Variants in ADGRL3 observed in about 807,000 individuals in gnomAD.
ADGRL3 encodes calcium-independent alpha-latrotoxin receptor 3.
A neutral mutation model predicts 153.5 loss-of-function variants in ADGRL3; 62 were observed. That is an observed-to-expected ratio of 0.40 (90% CI 0.33 to 0.50). The LOEUF is 0.50. ADGRL3 is among the 20% of genes least tolerant of loss of function. ADGRL3 has a pLI of 0.47. For synonymous variants in ADGRL3, 710 were observed against 672.5 expected, an observed-to-expected ratio of 1.06 and a Z score of -0.86; for missense variants, 1,641 against 1,859.4, an observed-to-expected ratio of 0.88 and a Z score of 2.16.
At chr4:61,593,643 A>T (rs965362950) in intron 5 of ADGRL3, among the ~76,000 whole-genome samples, 1 of 152,062 alleles carries the variant, frequency 6.6e-6, no homozygotes, top group African/African-American at 2.4e-5. Context: ...TCCCACTGAA[A>T]ACTGTTGTCA....
rs2098537797 is a variant in ADGRL3, at chr4:61,522,588, T to TCC, written c.259+5070_259+5071insCC. On this transcript the variant is annotated intron_variant, in intron 4 of 26. Coordinates refer to ENST00000683033, the MANE Select transcript of ADGRL3 (RefSeq NM_001387552.1). Reference sequence around the variant, plus strand: ...AGGGTGGCAAAACCTCATTTGTTGGTTTGCTTGTAACACCATGATTTGAGA... The same window carrying TCC: ...AGGGTGGCAAAACCTCATTTGTTGGTCCTTGCTTGTAACACCATGATTTGAGA... 3.9e-5 allele frequency among the ~76,000 whole-genome samples: 6 copies of TCC among 152,192 alleles called. No individual in the cohort carries two copies. In the East Asian group the frequency reaches 1.2e-3, roughly 29 times the overall value.
intron 2 of ADGRL3, among the ~76,000 whole-genome samples, chr4:61,445,827 A>G (rs1268511373): frequency 6.6e-6 from 1 of 152,208 alleles, no homozygotes; most frequent in African/African-American, 2.4e-5. Flanking sequence ...TAAGATTATA[A>G]TGGAGCTGAA....
intron 4 of ADGRL3, among the ~76,000 whole-genome samples, chr4:61,537,068 T>C (rs1307397801): frequency 6.6e-6 from 1 of 152,124 alleles, no homozygotes; most frequent in Non-Finnish European, 1.5e-5. Flanking sequence ...TTTTGTAGAA[T>C]GTGTCTAGTC....
At chr4:61,297,818 T>TACCGTCGCCACCACCACCACC (rs2094459160) in intron 1 of ADGRL3, among the ~76,000 whole-genome samples, 1 of 151,734 alleles carries the variant, frequency 6.6e-6, no homozygotes, top group African/African-American at 2.4e-5. Flanking sequence ...CCACCGTCAC[T>TACCGTCGCCACCACCACCACC]ACCGTCGCCA....
chr4:61,719,764 G>A (rs1422009705), intron 6 of ADGRL3, among the ~76,000 whole-genome samples: 1 of 151,734 alleles, frequency 6.6e-6, no homozygotes, highest in Non-Finnish European at 1.5e-5. Context: ...ACTACGCCTG[G>A]CTAATTTTTG....
chr4:61,336,718 T>C (rs1400550540), intron 1 of ADGRL3, among the ~76,000 whole-genome samples: 1 of 152,058 alleles, frequency 6.6e-6, no homozygotes, highest in African/African-American at 2.4e-5. Context: ...ACATTCATGG[T>C]GGGTACATTC....
At chr4:61,336,922 T>G (rs964323208) in intron 1 of ADGRL3, among the ~76,000 whole-genome samples, 1 of 151,044 alleles carries the variant, frequency 6.6e-6, no homozygotes, top group Non-Finnish European at 1.5e-5. Flanking sequence ...TGAAAATGCA[T>G]GCAGTCACCA....
intron 1 of ADGRL3, among the ~76,000 whole-genome samples, chr4:61,245,280 T>C (rs1002690768): frequency 3.9e-5 from 6 of 152,092 alleles, no homozygotes; most frequent in Non-Finnish European, 8.8e-5. Flanking sequence ...TCCTTTCCCC[T>C]GTCTCCCAGG....
chr4:61,684,493 G>C (rs1440557428), intron 6 of ADGRL3, among the ~76,000 whole-genome samples: 1 of 152,064 alleles, frequency 6.6e-6, no homozygotes, highest in Non-Finnish European at 1.5e-5. Flanking sequence ...CAGTAGTGGA[G>C]TATTGTTACC....
intron 1 of ADGRL3, among the ~76,000 whole-genome samples, chr4:61,280,675 G>T (rs1546379): frequency 6.6e-6 from 1 of 152,008 alleles, no homozygotes; most frequent in South Asian, 2.1e-4. Flanking sequence ...TTATTTAATG[G>T]TTAAAAATGT....
intron 2 of ADGRL3, among the ~76,000 whole-genome samples, chr4:61,482,117 G>C (rs2098137854): frequency 6.6e-6 from 1 of 152,110 alleles, no homozygotes; most frequent in Admixed American, 6.5e-5. Context: ...CAAGAAAGCA[G>C]AGATAACCTT....
intron 9 of ADGRL3, among the ~76,000 whole-genome samples, chr4:61,841,302 A>C (rs981821559): frequency 5.6e-5 from 7 of 124,624 alleles, no homozygotes; most frequent in African/African-American, 1.1e-4. Context: ...AATAAGCTGG[A>C]GGCTCACGTA....
intron 2 of ADGRL3, among the ~76,000 whole-genome samples, chr4:61,474,087 T>C (rs905264981): frequency 6.6e-6 from 1 of 152,094 alleles, no homozygotes; most frequent in Non-Finnish European, 1.5e-5. Context: ...GAAATAAAGA[T>C]GATTAGGCAG....
chr4:61,594,269 G>A (rs889143053), intron 5 of ADGRL3, among the ~76,000 whole-genome samples: 49 of 152,198 alleles, frequency 3.2e-4, no homozygotes, highest in African/African-American at 1.2e-3. Context: ...CTTTCTGAAA[G>A]GTCATATATC....
chr4:61,839,276 G>A (rs558497060), intron 9 of ADGRL3, among the ~76,000 whole-genome samples: 26 of 151,986 alleles, frequency 1.7e-4, no homozygotes, highest in South Asian at 4.2e-4. Context: ...CTGCAGCCTC[G>A]ACCTCCTGGG....
chr4:61,248,475 C>T lies in ADGRL3; in HGVS notation c.-240+46710C>T, dbSNP rs574735127. Among the ~76,000 whole-genome samples, 3 of 152,104 alleles carry T rather than the reference C, an allele frequency of 2.0e-5. No individual in the cohort carries two copies. The East Asian group carries it at 5.8e-4, about 29-fold the overall frequency. ...TTTCACTGCTATTTTATAATCAGCT[C>T]AGCTAAACAGCAAATACTAGGTTAA... is the stretch of plus-strand genomic sequence containing the variant. On this transcript the variant is annotated intron_variant, in intron 1 of 26. Coordinates refer to ENST00000683033, the MANE Select transcript of ADGRL3 (RefSeq NM_001387552.1).
At chr4:61,553,532 C>T (rs1368145467) in intron 4 of ADGRL3, among the ~76,000 whole-genome samples, 2 of 152,100 alleles carry the variant, frequency 1.3e-5, no homozygotes, top group Non-Finnish European at 2.9e-5. Flanking sequence ...TAGATTCAGC[C>T]TCCAAGTTAT....
chr4:61,875,185 T>A (rs1283435611), intron 9 of ADGRL3, among the ~76,000 whole-genome samples: 1 of 152,208 alleles, frequency 6.6e-6, no homozygotes, highest in Non-Finnish European at 1.5e-5. Context: ...CTGCACTTTG[T>A]CACTCTTCTT....
chr4:61,321,021 C>A (rs931633645), intron 1 of ADGRL3, among the ~76,000 whole-genome samples: 1 of 152,144 alleles, frequency 6.6e-6, no homozygotes, highest in Non-Finnish European at 1.5e-5. Flanking sequence ...TGCCTTCTCT[C>A]GAGCTCTCTG....
Sources: allele counts gnomAD v4.1 joint callset (sites outside exome capture counted in the v4.1 genomes callset), GRCh38; gene constraint gnomAD v4.1.1; transcripts MANE v1.5; gene names NCBI Gene and HGNC (gene_info 2026-07-23, HGNC 2026-07-21).